GFPT1: variants seen among roughly 807,000 people sequenced by gnomAD.
The protein encoded by GFPT1 is glutamine--fructose-6-phosphate aminotransferase [isomerizing] 1.
Under a neutral mutation model 92.0 loss-of-function variants are expected in GFPT1, and 40 were observed. The observed-to-expected ratio is 0.43, with a 90% CI of 0.34 to 0.57. The LOEUF is 0.57. Among genes scored for constraint, GFPT1 ranks in the 20% least tolerant of loss-of-function variants. The pLI, the probability that GFPT1 is intolerant of heterozygous loss-of-function variation, is 0.02. For missense variants in GFPT1, 448 were observed against 869.1 expected, an observed-to-expected ratio of 0.52 and a Z score of 6.09; for synonymous variants, 269 against 280.6, an observed-to-expected ratio of 0.96 and a Z score of 0.41.
chr2:69,342,654 G>GT (rs1222270932), intron 12 of GFPT1, among the ~76,000 whole-genome samples: 1 of 152,202 alleles, frequency 6.6e-6, no homozygotes, highest in African/African-American at 2.4e-5. Flanking sequence ...AATTTTGGGA[G>GT]TGATGGAACT....
intron 1 of GFPT1, among the ~76,000 whole-genome samples, chr2:69,377,467 G>A (rs1671902361): frequency 6.8e-6 from 1 of 146,602 alleles, no homozygotes; most frequent in South Asian, 2.2e-4. Context: ...TAACCAACAT[G>A]GTGAAACCCC....
At chr2:69,340,140 C>CTT (rs139786418) in intron 13 of GFPT1, among the ~76,000 whole-genome samples, 5 of 99,098 alleles carry the variant, frequency 5.0e-5, no homozygotes, top group Non-Finnish European at 1.1e-4. Flanking sequence ...GTTGGGGCAA[C>CTT]TTTTTTTTTT....
chr2:69,349,033 T>G (rs1231835661), intron 10 of GFPT1, among the ~76,000 whole-genome samples: 1 of 152,168 alleles, frequency 6.6e-6, no homozygotes, highest in Admixed American at 6.6e-5. Flanking sequence ...AATTAACTCC[T>G]AATCTCTCCT....
chr2:69,351,384 T>C (rs1056010926), intron 9 of GFPT1, among the ~76,000 whole-genome samples: 3 of 152,294 alleles, frequency 2.0e-5, no homozygotes, highest in Middle Eastern at 6.8e-3. Context: ...GCACCTTTCT[T>C]CAAGGCCAGG....
chr2:69,326,275 T>G, intron 19 of GFPT1, 42 bp from the exon 20 acceptor site: 1 of 1,385,246 alleles, frequency 7.2e-7, no homozygotes, highest in Non-Finnish European at 1.0e-6. Flanking sequence ...TGAGAGATTA[T>G]ATAGACTGGG....
At position 69,342,922 on chromosome 2, in the gene GFPT1, G is replaced by A. The variant is rs1251165153; in HGVS notation, c.1106-673C>T. 2.6e-5 allele frequency among the ~76,000 whole-genome samples: 4 copies of A among 152,110 alleles called. No homozygotes were observed. The East Asian group carries it at 7.7e-4, about 29-fold the overall frequency. The stretch of plus-strand genomic sequence containing the variant: ...CCCTAATGCTTCAGTCAAAATGCTT[G>A]ATTGTTCTGATCCCTCCACATTTAT... On this transcript the variant is annotated intron_variant, in intron 12 of 19. Transcript: ENST00000357308.
chr2:69,364,851 C>T (rs1461941489), intron 3 of GFPT1, among the ~76,000 whole-genome samples: 1 of 151,546 alleles, frequency 6.6e-6, no homozygotes, highest in Non-Finnish European at 1.5e-5. Flanking sequence ...AAAAATTAGC[C>T]GGGTGTGGTG....
chr2:69,356,562 G>A lies in GFPT1; in HGVS notation c.544-5C>T, dbSNP rs1460273880. 6.2e-7 allele frequency: 1 copy of A among 1,609,782 alleles called. No individual in the cohort carries two copies. Among genetic ancestry groups the A allele is most frequent in the Middle Eastern group, 1.7e-4 (1 of 6,058 alleles). The stretch of plus-strand genomic sequence containing the variant: ...CACAAGTGCAAAAGCACCTTCCTAG[G>A]GAGGGAAAAAAATCCATTAGCACTA... On this transcript the variant is annotated splice_region_variant and splice_polypyrimidine_tract_variant and intron_variant, in intron 6 of 19. Coordinates refer to ENST00000357308, the MANE Select transcript of GFPT1 (RefSeq NM_001244710.2).
chr2:69,384,728 G>A (rs1397210810), intron 1 of GFPT1, among the ~76,000 whole-genome samples: 38 of 112,664 alleles, frequency 3.4e-4, no homozygotes, highest in South Asian at 5.8e-4. Context: ...AAGAAAGAAA[G>A]AAAAGAAAGA....
chr2:69,367,344 TTTG>T (rs144120046), intron 3 of GFPT1, among the ~76,000 whole-genome samples: 28 of 150,240 alleles, frequency 1.9e-4, no homozygotes, highest in Non-Finnish European at 2.2e-4. Flanking sequence ...CAACTTATTT[TTTG>T]TTGTTGTTGT....
chr2:69,345,399 T>A (rs1671059544), intron 12 of GFPT1, among the ~76,000 whole-genome samples: 1 of 152,182 alleles, frequency 6.6e-6, no homozygotes, highest in Admixed American at 6.5e-5. Flanking sequence ...AAAGGAAACC[T>A]AGGCCAGGCA....
chr2:69,343,405 TCTC>T (rs1471399359), intron 12 of GFPT1, among the ~76,000 whole-genome samples: 1 of 150,686 alleles, frequency 6.6e-6, no homozygotes, highest in Non-Finnish European at 1.5e-5. Context: ...GCTCTCTTCA[TCTC>T]CTCACCTTTT....
chr2:69,341,309 G>A (rs574399947), intron 13 of GFPT1, among the ~76,000 whole-genome samples: 3 of 152,136 alleles, frequency 2.0e-5, no homozygotes, highest in African/African-American at 7.2e-5. Flanking sequence ...TTTCTGTTTA[G>A]GACCATATAA....
Position 69,331,107 on chromosome 2 carries a change from G to A in GFPT1, c.1483-1309C>T, listed in dbSNP as rs185647659. Among the ~76,000 whole-genome samples the A allele has an allele frequency of 3.5e-3, 533 of 152,246 alleles. 3 individuals carry two copies. The highest frequency in any genetic ancestry group is 0.012 in the African/African-American group (514 of 41,556). ...CTATTTTCATTCTTACTAACTTTATGTGACTGTGAGATGTGCCTGTTTTGT... is the reference window on the plus strand; with the variant it reads ...CTATTTTCATTCTTACTAACTTTATATGACTGTGAGATGTGCCTGTTTTGT... On this transcript the variant is annotated intron_variant, in intron 15 of 19. Transcript: ENST00000357308.
At chr2:69,373,901 T>C in intron 2 of GFPT1, 105 bp downstream of exon 2, 4 of 643,886 alleles carry the variant, frequency 6.2e-6, no homozygotes, top group Non-Finnish European at 1.1e-5. Flanking sequence ...CAATTTACAC[T>C]TACTCAAAAC....
intron 1 of GFPT1, among the ~76,000 whole-genome samples, chr2:69,375,738 A>G (rs907093040): frequency 6.6e-6 from 1 of 152,228 alleles, no homozygotes; most frequent in Non-Finnish European, 1.5e-5. Flanking sequence ...GGAGGGTAGA[A>G]CATCTATCTT....
At chr2:69,384,226 C>A (rs944547530) in intron 1 of GFPT1, among the ~76,000 whole-genome samples, 1 of 152,098 alleles carries the variant, frequency 6.6e-6, no homozygotes, top group East Asian at 1.9e-4. Flanking sequence ...AACATTACCA[C>A]GCGATTTAAT....
chr2:69,381,993 A>T (rs1672024032), intron 1 of GFPT1, among the ~76,000 whole-genome samples: 2 of 151,612 alleles, frequency 1.3e-5, no homozygotes, highest in South Asian at 4.2e-4. Context: ...CCTCCCAAGT[A>T]GCTGGGATTA....
In GFPT1 at chr2:69,370,050, C is replaced by T; in HGVS notation, c.174G>A (p.Gln58=). The T allele has an allele frequency of 6.2e-7, 1 of 1,610,526 alleles. No individual in the cohort carries two copies. Among genetic ancestry groups the T allele is most frequent in the Non-Finnish European group, 8.5e-7 (1 of 1,176,780 alleles). The change falls in exon 3 of 20, where the codon CAG becomes CAA. Residue 58 remains glutamine (Q), a synonymous_variant. Coordinates refer to ENST00000357308, the MANE Select transcript of GFPT1 (RefSeq NM_001244710.2). ...KDWEANACKI[Q]LIKKKGKVKA... ...TAACTTTTCCTTTCTTCTTAATAAGCTGGATTTTGCAGGCATTGGCTTCCC... is the reference window on the plus strand; with the variant it reads ...TAACTTTTCCTTTCTTCTTAATAAGTTGGATTTTGCAGGCATTGGCTTCCC...
Sources: allele counts gnomAD v4.1 joint callset (sites outside exome capture counted in the v4.1 genomes callset), GRCh38; gene constraint gnomAD v4.1.1; transcripts MANE v1.5; gene names NCBI Gene and HGNC (gene_info 2026-07-23, HGNC 2026-07-21).